Variants in CLNK observed in about 807,000 individuals in gnomAD.
The protein encoded by CLNK is cytokine dependent hematopoietic cell linker, also known as cytokine-dependent hematopoietic cell linker.
Under a neutral mutation model 68.6 loss-of-function variants are expected in CLNK, and 74 were observed. The ratio of observed to expected loss-of-function variants is 1.08; its 90% confidence interval spans 0.89 to 1.31. The LOEUF (loss-of-function observed/expected upper bound fraction) is 1.31, where lower values mean the gene tolerates loss of function less well. Ranked by LOEUF, CLNK falls within the 50% of genes most tolerant of loss-of-function variation. The pLI is 0.00. For synonymous variants in CLNK, 198 were observed against 172.2 expected (o/e 1.15, Z -1.17); for missense variants, 553 against 515.3 (o/e 1.07, Z -0.71).
At chr4:10,533,793 T>C (rs1256555082) in intron 11 of CLNK, among the ~76,000 whole-genome samples, 5 of 152,238 alleles carry the variant, frequency 3.3e-5, no homozygotes, top group South Asian at 2.1e-4. Flanking sequence ...ATTTAAAATG[T>C]AGATTTGAAG....
At chr4:10,551,924 T>G (rs1479535208) in intron 8 of CLNK, among the ~76,000 whole-genome samples, 1 of 151,692 alleles carries the variant, frequency 6.6e-6, no homozygotes, top group Non-Finnish European at 1.5e-5. Context: ...GTCGTCTCAC[T>G]GCAACCTCTG....
In CLNK at chr4:10,602,964, G is replaced by A. The variant is rs1721645474; in HGVS notation, c.12-4915C>T. On this transcript the variant is annotated intron_variant, in intron 2 of 18. Transcript: ENST00000226951. ...TGACGGTGGAGAGTAAGTACAAGAA[G>A]CCTACTCCGAGAGTTAAAGACATCT... is the stretch of plus-strand genomic sequence containing the variant. Among the ~76,000 whole-genome samples the A allele has an allele frequency of 2.0e-5, 3 of 152,176 alleles. No individual in the cohort carries two copies. In the South Asian group the frequency reaches 6.2e-4, roughly 32 times the overall value.
chr4:10,699,529 TC>T, the CLNK span, among the ~76,000 whole-genome samples: 8 of 113,762 alleles, frequency 7.0e-5, no homozygotes, highest in South Asian at 3.1e-4. Context: ...TTTTTTTTTT[TC>T]TGAGACGGTT....
the CLNK span, among the ~76,000 whole-genome samples, chr4:10,702,528 G>C: frequency 6.6e-6 from 1 of 152,212 alleles, no homozygotes; most frequent in Non-Finnish European, 1.5e-5. Flanking sequence ...GTGCTGACAG[G>C]CAGCAAATCT....
intron 2 of CLNK, among the ~76,000 whole-genome samples, chr4:10,634,021 G>C (rs1261218605): frequency 6.6e-6 from 1 of 152,200 alleles, no homozygotes; most frequent in Non-Finnish European, 1.5e-5. Flanking sequence ...TAAGCCCCCT[G>C]TATAAGATCA....
chr4:10,521,200 A>G (rs941943154), intron 14 of CLNK, among the ~76,000 whole-genome samples: 1 of 152,242 alleles, frequency 6.6e-6, no homozygotes, highest in Non-Finnish European at 1.5e-5. Flanking sequence ...GAAACTATTT[A>G]CCAATTGAAA....
At chr4:10,614,635 A>T (rs575311690) in intron 2 of CLNK, among the ~76,000 whole-genome samples, 3 of 152,292 alleles carry the variant, frequency 2.0e-5, no homozygotes, top group South Asian at 4.2e-4. Context: ...ACTGAACCGA[A>T]ATCTGCATTG....
intron 18 of CLNK, among the ~76,000 whole-genome samples, chr4:10,495,563 C>A (rs950578490): frequency 6.6e-6 from 1 of 152,072 alleles, no homozygotes; most frequent in Admixed American, 6.6e-5. Flanking sequence ...CTAAATGATT[C>A]CCCCCAATAT....
At chr4:10,584,856 A>C in intron 4 of CLNK, 71 bp downstream of exon 4, 1 of 1,483,330 alleles carries the variant, frequency 6.7e-7, no homozygotes, top group Non-Finnish European at 9.3e-7. Flanking sequence ...AACAAAAAAG[A>C]ATGGAAATAA....
At chr4:10,516,066 T>G (rs1488631046) in intron 15 of CLNK, among the ~76,000 whole-genome samples, 1 of 150,688 alleles carries the variant, frequency 6.6e-6, no homozygotes, top group Non-Finnish European at 1.5e-5. Context: ...TAATAAAAAT[T>G]TTTTTTTTTG....
At chr4:10,666,062 G>C (rs112796986) in intron 2 of CLNK, among the ~76,000 whole-genome samples, 2,473 of 152,302 alleles carry the variant, frequency 0.016, 36 homozygotes, top group Non-Finnish European at 0.025. Context: ...AGAAGGTCAT[G>C]TGAAATGGAG....
chr4:10,725,293 C>T, the CLNK span, among the ~76,000 whole-genome samples: 1,190 of 152,328 alleles, frequency 7.8e-3, 11 homozygotes, highest in African/African-American at 0.02. Context: ...TGCACCAGGC[C>T]AGGGCTCACA....
At chr4:10,706,983 C>T in the CLNK span, among the ~76,000 whole-genome samples, 4 of 152,140 alleles carry the variant, frequency 2.6e-5, no homozygotes, top group South Asian at 2.1e-4. Context: ...GGTTTCACCA[C>T]GTTGGCCAGG....
At chr4:10,492,959 C>T (rs1202776104) in intron 18 of CLNK, among the ~76,000 whole-genome samples, 1 of 152,188 alleles carries the variant, frequency 6.6e-6, no homozygotes. Context: ...GAAACCTTTA[C>T]TGGATCTGCA....
chr4:10,598,137 C>T, intron 2 of CLNK, 88 bp from the exon 3 acceptor site: 1 of 846,776 alleles, frequency 1.2e-6, no homozygotes, highest in Non-Finnish European at 1.9e-6. Flanking sequence ...TAGAAAGAGC[C>T]ACCCAGTCAG....
chr4:10,707,495 C>A, the CLNK span, among the ~76,000 whole-genome samples: 2 of 152,344 alleles, frequency 1.3e-5, no homozygotes, highest in Admixed American at 1.3e-4. Flanking sequence ...ATTCCACCTA[C>A]CACTTGTGGG....
intron 1 of CLNK, among the ~76,000 whole-genome samples, chr4:10,681,504 G>C (rs1481741986): frequency 6.6e-6 from 1 of 152,160 alleles, no homozygotes; most frequent in African/African-American, 2.4e-5. Flanking sequence ...GTTGTATCTA[G>C]ACCTTTTGGC....
intron 11 of CLNK, among the ~76,000 whole-genome samples, chr4:10,533,766 T>C (rs1462677369): frequency 6.6e-6 from 1 of 152,242 alleles, no homozygotes; most frequent in East Asian, 1.9e-4. Context: ...TACTGAAAGA[T>C]TGGCTGTAGG....
chr4:10,619,320 G>A (rs920944794), intron 2 of CLNK, among the ~76,000 whole-genome samples: 4 of 152,188 alleles, frequency 2.6e-5, no homozygotes, highest in Non-Finnish European at 4.4e-5. Flanking sequence ...TCTGGTTTCA[G>A]GAGCTTTGTG....
Sources: gnomAD v4.1 joint callset for allele counts (sites outside exome capture counted in the v4.1 genomes callset) on GRCh38, gnomAD v4.1.1 for gene constraint, MANE v1.5 for transcripts, NCBI Gene and HGNC (gene_info 2026-07-23, HGNC 2026-07-21) for gene names.